CNGA3: variants seen among roughly 807,000 people sequenced by gnomAD.
CNGA3 encodes the protein cyclic nucleotide gated channel subunit alpha 3.
A neutral mutation model predicts 46.6 loss-of-function variants in CNGA3; 42 were observed. The ratio of observed to expected loss-of-function variants is 0.90; its 90% CI spans 0.70 to 1.17. CNGA3 has a LOEUF of 1.17. Among genes scored for constraint, CNGA3 ranks in the 50% most tolerant of loss-of-function variants. The pLI is 0.00. For synonymous variants in CNGA3, 394 were observed against 369.4 expected (o/e 1.07, Z -0.76); for missense variants, 893 against 890.7 (o/e 1.00, Z -0.03).
chr2:98,371,906 C>T (rs1692297028), intron 2 of CNGA3, among the ~76,000 whole-genome samples: 1 of 152,158 alleles, frequency 6.6e-6, no homozygotes. Flanking sequence ...GATCCTGGGC[C>T]CAAGACCTTG....
chr2:98,373,357 G>A lies in CNGA3; in HGVS notation c.101+3281G>A, dbSNP rs149066580. 7.1e-3 allele frequency among the ~76,000 whole-genome samples: 1,085 copies of A among 152,320 alleles called. 10 individuals are homozygous for A. The highest frequency in any genetic ancestry group is 0.025 in the African/African-American group (1,031 of 41,556). ...TTCCAGTCCTTTTAGAAAGCTTTATGAGACAAATGATTGAGAATTGGGGTA... is the reference window on the plus strand; with the variant it reads ...TTCCAGTCCTTTTAGAAAGCTTTATAAGACAAATGATTGAGAATTGGGGTA... On this transcript the variant is annotated intron_variant, in intron 2 of 7. Transcript: ENST00000272602.
intron 1 of CNGA3, among the ~76,000 whole-genome samples, chr2:98,361,453 C>A (rs1349034437): frequency 1.3e-5 from 2 of 152,052 alleles, no homozygotes; most frequent in African/African-American, 4.8e-5. Context: ...GGGTTGATTC[C>A]ATGTCTTTGC....
chr2:98,352,267 T>C (rs1470966596), intron 1 of CNGA3, among the ~76,000 whole-genome samples: 1 of 152,244 alleles, frequency 6.6e-6, no homozygotes, highest in Non-Finnish European at 1.5e-5. Context: ...ATTTTGTTTA[T>C]CCATTTATCG....
rs137852608 is a variant in CNGA3, at chr2:98,396,398, C to T, written c.1228C>T (p.Arg410Trp). The T allele has an allele frequency of 5.7e-5, 92 of 1,613,802 alleles. No individual in the cohort carries two copies. The highest frequency in any genetic ancestry group is 6.7e-5 in the Admixed American group (4 of 59,996). The change falls in exon 8 of 8, where the codon CGG (arginine) becomes TGG (tryptophan). Residue 410 changes from arginine to tryptophan, a missense_variant. Transcript: ENST00000272602. ...GSMISNMNAS[R>W]AEFQAKIDSI... The stretch of plus-strand genomic sequence containing the variant: ...CATGATCTCGAATATGAATGCCTCA[C>T]GGGCAGAGTTCCAGGCCAAGATTGA...
At chr2:98,389,191 C>A (rs1692726828) in intron 5 of CNGA3, among the ~76,000 whole-genome samples, 1 of 152,184 alleles carries the variant, frequency 6.6e-6, no homozygotes, top group East Asian at 1.9e-4. Flanking sequence ...GGCTCCCCAA[C>A]TCTGTCCAGA....
intron 1 of CNGA3, among the ~76,000 whole-genome samples, chr2:98,349,583 T>C (rs1210716485): frequency 6.6e-6 from 1 of 152,122 alleles, no homozygotes; most frequent in Non-Finnish European, 1.5e-5. Flanking sequence ...AGCCTGAAGA[T>C]GGGAGATGAG....
intron 2 of CNGA3, among the ~76,000 whole-genome samples, chr2:98,371,720 C>T (rs1692292559): frequency 6.6e-6 from 1 of 152,226 alleles, no homozygotes; most frequent in African/African-American, 2.4e-5. Context: ...TAAGGCATTG[C>T]TCCTTATTTA....
intron 3 of CNGA3, among the ~76,000 whole-genome samples, chr2:98,379,209 A>G (rs960715598): frequency 2.6e-5 from 4 of 152,276 alleles, no homozygotes; most frequent in Admixed American, 2.6e-4. Flanking sequence ...GCCTACAGAG[A>G]TATTTTCTTA....
At chr2:98,363,938 T>A (rs1692089697) in intron 1 of CNGA3, among the ~76,000 whole-genome samples, 1 of 152,250 alleles carries the variant, frequency 6.6e-6, no homozygotes, top group Non-Finnish European at 1.5e-5. Flanking sequence ...CATCTCTTTG[T>A]AGGTCTCCAA....
chr2:98,377,292 A>G (rs1258517884), intron 2 of CNGA3: 2 of 213,004 alleles, frequency 9.4e-6, no homozygotes, highest in Admixed American at 1.0e-4. Context: ...GCCTCAGAAG[A>G]TGAAATTCAG....
chr2:98,377,752 G>A lies in CNGA3; in HGVS notation c.167G>A (p.Gly56Glu). The change falls in exon 3 of 8, where the codon GGA (glycine) becomes GAA (glutamate). Residue 56 changes from glycine (G) to glutamate (E), a missense_variant. This residue lies in a region of CNGA3 where 333 missense variants were observed against 290.8 expected (regional missense o/e 1.15). Coordinates refer to ENST00000272602, the MANE Select transcript of CNGA3 (RefSeq NM_001298.3). ...LQPGIAMETR[G>E]LADSGQGSFT... ...CCGGGGATCGCCATGGAGACCAGAG[G>A]ACTGGCTGACTCCGGGCAGGGCTCC... is the stretch of plus-strand genomic sequence containing the variant. 1.2e-6 allele frequency: 2 copies of A among 1,613,110 alleles called. No homozygotes were observed. The highest frequency in any genetic ancestry group is 1.7e-6 in the Non-Finnish European group (2 of 1,180,004).
intron 1 of CNGA3, among the ~76,000 whole-genome samples, chr2:98,367,046 G>T (rs10199033): frequency 0.44 from 66,442 of 151,786 alleles, 14,661 homozygotes; most frequent in Admixed American, 0.5. Context: ...CACCCTGCTT[G>T]TCCTCACTCT....
Position 98,396,283 on chromosome 2 carries a change from C to A in CNGA3, c.1113C>A (p.Pro371=), listed in dbSNP as rs532328081. The change falls in exon 8 of 8, where the codon CCC becomes CCA. Residue 371 remains proline, a synonymous_variant. Transcript: ENST00000272602. ...TTACCACCATTGGTGAGACCCCACC[C>A]CCCGTGAAAGATGAGGAGTATCTCT... ...LTLTTIGETP[P]PVKDEEYLFV... is the part of the protein sequence containing the mutation. The A allele has an allele frequency of 1.9e-5, 31 of 1,610,980 alleles. No individual in the cohort carries two copies. The African/African-American group carries it at 3.2e-4, about 17-fold the overall frequency.
intron 1 of CNGA3, 99 bp from the exon 2 acceptor site, chr2:98,369,840 T>G: frequency 1.4e-6 from 1 of 731,916 alleles, no homozygotes; most frequent in South Asian, 1.6e-5. Flanking sequence ...TGCCAGGGCT[T>G]GCAGGGGGGC....
chr2:98,349,184 A>G (rs1237335122), intron 1 of CNGA3, among the ~76,000 whole-genome samples: 1 of 152,044 alleles, frequency 6.6e-6, no homozygotes, highest in Non-Finnish European at 1.5e-5. Context: ...CTCAGCCTTC[A>G]CCTGGCCTGA....
intron 1 of CNGA3, chr2:98,347,174 G>A (rs1691651955): frequency 1.3e-5 from 2 of 152,350 alleles, no homozygotes; most frequent in African/African-American, 4.8e-5. Context: ...GATTCAAAGA[G>A]AAAGGTAGGC....
rs748744512 is a variant in CNGA3 at position 98,396,335 on chromosome 2, G to A, written c.1165G>A (p.Val389Ile). 4 of 1,612,056 alleles carry A rather than the reference G, an allele frequency of 2.5e-6. No homozygotes were observed. The highest frequency in any genetic ancestry group is 1.7e-5 in the Admixed American group (1 of 59,954). ...LFVVVDFLVG[V>I]LIFATIVGNV... ...TGTGGTCGTAGACTTCTTGGTGGGT[G>A]TTCTGATTTTTGCCACCATTGTGGG... Residue 389 changes from valine (V) to isoleucine (I), a missense_variant, in exon 8 of 8, where the codon GTT (valine) becomes ATT (isoleucine). Transcript: ENST00000272602.
intron 1 of CNGA3, among the ~76,000 whole-genome samples, chr2:98,360,572 A>T (rs755375401): frequency 1.3e-5 from 2 of 152,246 alleles, no homozygotes; most frequent in Non-Finnish European, 2.9e-5. Context: ...CTTCTAGCAT[A>T]TTGCCTGGCA....
Position 98,346,484 on chromosome 2 carries a change from A to C in CNGA3, c.-88A>C. The C allele has an allele frequency of 5.0e-6, 2 of 398,248 alleles. No homozygotes were observed. The highest frequency in any genetic ancestry group is 8.8e-6 in the Non-Finnish European group (2 of 225,998). 24.7% of individuals were successfully genotyped at this position (398,248 alleles called of 1,614,324 possible). The stretch of plus-strand genomic sequence containing the variant: ...ACTGCGCCTAGGAGGCCGAGGGAGG[A>C]GGCGCTCCGCAGACCCTGGCGCGCC... On this transcript the variant is annotated 5_prime_UTR_variant, in exon 1 of 8. Transcript: ENST00000272602.
Sources: allele counts gnomAD v4.1 joint callset (sites outside exome capture counted in the v4.1 genomes callset), GRCh38; gene constraint gnomAD v4.1.1; regional missense constraint gnomAD v4.1.1; transcripts MANE v1.5; gene names NCBI Gene and HGNC (gene_info 2026-07-23, HGNC 2026-07-21).